The following ST13 variants were observed in gnomAD, a reference collection of about 807,000 sequenced individuals.
The protein encoded by ST13 is hsc70-interacting protein.
In ST13, 23 loss-of-function variants were observed where a neutral mutation model predicts 56.7. The observed-to-expected ratio is 0.41, with a 90% confidence interval of 0.29 to 0.57. The LOEUF (loss-of-function observed/expected upper bound fraction) is 0.57. ST13 is among the 20% of genes least tolerant of loss of function. The pLI, the probability that ST13 is intolerant of heterozygous loss-of-function variation, is 0.36. For missense variants in ST13, 369 were observed against 459.9 expected (o/e 0.80, Z 1.81); for synonymous variants, 132 against 142.4 (o/e 0.93, Z 0.52).
chr22:40,827,064 A>T, intron 11 of ST13, 32 bp downstream of exon 11: 1 of 1,605,196 alleles, frequency 6.2e-7, no homozygotes. Flanking sequence ...CCTTAATGAT[A>T]CAAAGTCCAA....
intron 3 of ST13, among the ~76,000 whole-genome samples, chr22:40,847,378 CAA>C (rs71200623): frequency 1.5e-5 from 2 of 130,606 alleles, no homozygotes; most frequent in Admixed American, 7.8e-5. Context: ...CCTGTCTCTA[CAA>C]AAAAAAAAAA....
At chr22:40,832,745 TACA>T (rs2057759835) in intron 7 of ST13, 74 bp from the exon 8 acceptor site, 2 of 1,160,006 alleles carry the variant, frequency 1.7e-6, no homozygotes, top group Middle Eastern at 2.3e-4. Context: ...CTTTCTTCCT[TACA>T]AAAAAGGATT....
intron 5 of ST13, among the ~76,000 whole-genome samples, chr22:40,839,738 G>A (rs954266922): frequency 5.3e-5 from 8 of 151,394 alleles, no homozygotes; most frequent in Admixed American, 5.3e-4. Flanking sequence ...TTCCAGCCTG[G>A]ACGACAAAGC....
At chr22:40,847,189 A>G (rs1601471311) in intron 3 of ST13, among the ~76,000 whole-genome samples, 1 of 152,262 alleles carries the variant, frequency 6.6e-6, no homozygotes, top group East Asian at 1.9e-4. Context: ...TTTTATCAAC[A>G]TGGTTGTAAG....
At chr22:40,834,181 T>C (rs1212283759) in intron 7 of ST13, among the ~76,000 whole-genome samples, 1 of 151,844 alleles carries the variant, frequency 6.6e-6, no homozygotes, top group Non-Finnish European at 1.5e-5. Flanking sequence ...CTCAGAAGGC[T>C]GACTGAGGCA....
chr22:40,831,290 C>T (rs748584939), intron 8 of ST13, among the ~76,000 whole-genome samples: 4 of 152,178 alleles, frequency 2.6e-5, no homozygotes, highest in African/African-American at 4.8e-5. Context: ...AGGTTTCAGA[C>T]GGACAGCTGA....
At chr22:40,845,696 T>C (rs995579451) in intron 3 of ST13, among the ~76,000 whole-genome samples, 1 of 151,918 alleles carries the variant, frequency 6.6e-6, no homozygotes, top group Non-Finnish European at 1.5e-5. Flanking sequence ...CAACTGTAAT[T>C]TGTTGCAAGT....
At chr22:40,855,719 A>G (rs1237771477) in intron 1 of ST13, among the ~76,000 whole-genome samples, 3 of 152,202 alleles carry the variant, frequency 2.0e-5, no homozygotes, top group African/African-American at 7.2e-5. Flanking sequence ...CAGTACTTAT[A>G]CTGTTTCCTA....
At position 40,839,032 on chromosome 22, in the gene ST13, T is replaced by C. The variant is rs377574320; in HGVS notation, c.382+1594A>G. ...TCCTCTGATGAAGATCTTAAATATA[T>C]ATGCAAAAGTTAATCACAGGTTACA... is the stretch of plus-strand genomic sequence containing the variant. On this transcript the variant is annotated intron_variant, in intron 5 of 11. Transcript: ENST00000216218. 1.2e-4 allele frequency among the ~76,000 whole-genome samples: 18 copies of C among 152,038 alleles called. No homozygotes were observed. In the East Asian group the frequency reaches 2.7e-3, roughly 23 times the overall value.
At chr22:40,847,288 A>T (rs1242641408) in intron 3 of ST13, among the ~76,000 whole-genome samples, 1 of 136 alleles carries the variant, frequency 7.4e-3, no homozygotes, top group African/African-American at 0.023. Context: ...AATCCCAAAC[A>T]CTTTGGAGGC....
intron 1 of ST13, 50 bp from the exon 2 acceptor site, chr22:40,850,930 T>C (rs2057858196): frequency 7.1e-6 from 10 of 1,409,984 alleles, no homozygotes; most frequent in African/African-American, 1.4e-5. Context: ...TAAAATTCAC[T>C]GTCACGCAAC....
chr22:40,852,252 T>C (rs1334564972), intron 1 of ST13, among the ~76,000 whole-genome samples: 1 of 152,238 alleles, frequency 6.6e-6, no homozygotes, highest in African/African-American at 2.4e-5. Flanking sequence ...ATCTTAAAGA[T>C]TTTTTAGCCA....
chr22:40,830,746 A>T, intron 9 of ST13, 94 bp downstream of exon 9: 3 of 713,974 alleles, frequency 4.2e-6, no homozygotes, highest in South Asian at 2.0e-5. Flanking sequence ...AGCCAGCATT[A>T]AATAAAAGAG....
At chr22:40,836,772 A>C (rs1049409288) in intron 5 of ST13, among the ~76,000 whole-genome samples, 5 of 152,224 alleles carry the variant, frequency 3.3e-5, no homozygotes, top group Non-Finnish European at 5.9e-5. Context: ...TCAACAAATA[A>C]AACACCCTAT....
chr22:40,844,061 T>C (rs1280676892), intron 4 of ST13, among the ~76,000 whole-genome samples: 1 of 152,018 alleles, frequency 6.6e-6, no homozygotes, highest in Non-Finnish European at 1.5e-5. Context: ...TTTTGTATTA[T>C]TAGTAGAGAC....
intron 5 of ST13, among the ~76,000 whole-genome samples, chr22:40,838,638 T>C (rs949258954): frequency 2.0e-5 from 3 of 151,008 alleles, no homozygotes; most frequent in Non-Finnish European, 4.4e-5. Context: ...CCAGGCATGG[T>C]GGCAGGCACC....
At chr22:40,832,488 T>A in intron 8 of ST13, 81 bp downstream of exon 8, 2 of 1,014,514 alleles carry the variant, frequency 2.0e-6, no homozygotes, top group Non-Finnish European at 1.5e-6. Flanking sequence ...GTTTTTCAGA[T>A]GAATTACAGC....
rs1320024087 is a variant in ST13, at chr22:40,824,986, A to T, written c.*1552T>A. 1 of 152,194 alleles carries T rather than the reference A, an allele frequency of 6.6e-6. No homozygotes were observed. Among genetic ancestry groups the T allele is most frequent in the African/African-American group, 2.4e-5 (1 of 41,454 alleles). The allele number at this position is 152,194 out of a possible 1,614,324, so 9.4% of individuals were successfully genotyped here. A position where few individuals can be genotyped will look rare whatever the true frequency, so the allele number is the denominator to read the frequency against. On this transcript the variant is annotated 3_prime_UTR_variant, in exon 12 of 12. Coordinates refer to ENST00000216218, the MANE Select transcript of ST13 (RefSeq NM_003932.5). ...ATTTACTTCACTGCTCCTACCACTG[A>T]TTCTTCAAATAAGCAAAGTACAGAA...
chr22:40,831,431 A>G lies in ST13; in HGVS notation c.682-475T>C, dbSNP rs1387663585. On this transcript the variant is annotated intron_variant, in intron 8 of 11. Transcript: ENST00000216218. ...AAAATGGGAGAGGAAGAAATATTTA[A>G]TATTATCAAATTGCTATAGGGATTA... Among the ~76,000 whole-genome samples the G allele has an allele frequency of 2.6e-5, 4 of 152,244 alleles. No individual in the cohort carries two copies. In the South Asian group the frequency reaches 6.2e-4, roughly 24 times the overall value.
Sources: allele counts gnomAD v4.1 joint callset (sites outside exome capture counted in the v4.1 genomes callset), GRCh38; gene constraint gnomAD v4.1.1; transcripts MANE v1.5; gene names NCBI Gene and HGNC (gene_info 2026-07-23, HGNC 2026-07-21).